LMTK2: variants seen among roughly 807,000 people sequenced by gnomAD.
LMTK2 encodes the protein lemur tail kinase 2.
In LMTK2, 37 loss-of-function variants were observed where a neutral mutation model predicts 127.5. That is an observed-to-expected ratio of 0.29 (90% CI 0.22 to 0.38). The LOEUF is 0.38. LMTK2 is among the 10% of genes least tolerant of loss of function. The pLI, the probability that LMTK2 is intolerant of heterozygous loss-of-function variation, is 1.00. For synonymous variants in LMTK2, 819 were observed against 810.1 expected (o/e 1.01, Z -0.19); for missense variants, 1,694 against 1,920.3 (o/e 0.88, Z 2.20).
At chr7:98,182,377 C>T (rs552325374) in intron 7 of LMTK2, among the ~76,000 whole-genome samples, 35 of 152,268 alleles carry the variant, frequency 2.3e-4, no homozygotes, top group African/African-American at 7.5e-4. Flanking sequence ...ATGGAGAATT[C>T]GTGCAACTCA....
At position 98,115,482 on chromosome 7, in the gene LMTK2, G is replaced by A. The variant is rs528359208; in HGVS notation, c.103+8202G>A. Among the ~76,000 whole-genome samples, 9 of 151,932 alleles carry A rather than the reference G, an allele frequency of 5.9e-5. No individual in the cohort carries two copies. In the East Asian group the frequency reaches 1.7e-3, roughly 30 times the overall value. ...AGAAGGAAGGGAGGGCGGGAGAGAGGAGAGAGAAATTACTGCTGGCTGAAA... is the reference window on the plus strand; with the variant it reads ...AGAAGGAAGGGAGGGCGGGAGAGAGAAGAGAGAAATTACTGCTGGCTGAAA... On this transcript the variant is annotated intron_variant, in intron 1 of 13. Transcript: ENST00000297293.
At chr7:98,200,286 A>T (rs1308644241) in intron 11 of LMTK2, among the ~76,000 whole-genome samples, 1 of 152,150 alleles carries the variant, frequency 6.6e-6, no homozygotes, top group Non-Finnish European at 1.5e-5. Flanking sequence ...ATGTACACTG[A>T]TAACTCCTCA....
chr7:98,108,303 TTGTAAC>T (rs888043584), intron 1 of LMTK2, among the ~76,000 whole-genome samples: 9 of 152,194 alleles, frequency 5.9e-5, no homozygotes, highest in Non-Finnish European at 1.3e-4. Flanking sequence ...TTTTTAAGTC[TTGTAAC>T]TGTTTTGGAA....
intron 7 of LMTK2, among the ~76,000 whole-genome samples, chr7:98,182,378 G>T (rs149761407): frequency 6.6e-6 from 1 of 152,144 alleles, no homozygotes; most frequent in Non-Finnish European, 1.5e-5. Flanking sequence ...TGGAGAATTC[G>T]TGCAACTCAA....
At chr7:98,185,185 A>C in intron 8 of LMTK2, 50 bp downstream of exon 8, 1 of 1,303,832 alleles carries the variant, frequency 7.7e-7, no homozygotes, top group Non-Finnish European at 1.1e-6. Context: ...TGAATTGTGA[A>C]GTTGTAATGT....
rs753669024 is a variant in LMTK2 at position 98,191,936 on chromosome 7, C to T, written c.1471C>T (p.Arg491Trp). Residue 491 changes from arginine (R) to tryptophan (W), a missense_variant, in exon 11 of 14, where the codon CGG becomes TGG. By Grantham distance (101) the Arg-to-Trp change is moderately radical. Around this residue, in one of 8 missense-constraint regions of LMTK2, gnomAD observed 216 missense variants for 266.8 expected, o/e 0.81. Transcript: ENST00000297293. The part of the protein sequence containing the change: ...AKHDHFDERS[R>W]GHLDEGLSYT... ...GCACGACCACTTTGACGAGCGCAGC[C>T]GGGGCCACCTGGACGAAGGCTTGTC... 12 of 1,613,886 alleles carry T rather than the reference C, an allele frequency of 7.4e-6. No individual in the cohort carries two copies. Among genetic ancestry groups the T allele is most frequent in the Admixed American group, 1.7e-5 (1 of 60,012 alleles).
chr7:98,198,377 G>A (rs995820850), intron 11 of LMTK2, among the ~76,000 whole-genome samples: 2 of 152,022 alleles, frequency 1.3e-5, no homozygotes, highest in Admixed American at 6.6e-5. Flanking sequence ...TTTTAGTAGA[G>A]ACGAGGTTTC....
chr7:98,110,803 C>G, intron 1 of LMTK2, among the ~76,000 whole-genome samples: 1 of 152,178 alleles, frequency 6.6e-6, no homozygotes, highest in East Asian at 1.9e-4. Flanking sequence ...TTTAGCAGCT[C>G]CAGATAAAGG....
At chr7:98,163,724 T>A (rs887150212) in intron 6 of LMTK2, among the ~76,000 whole-genome samples, 3 of 152,200 alleles carry the variant, frequency 2.0e-5, no homozygotes, top group Non-Finnish European at 4.4e-5. Flanking sequence ...AAAGTGTCTC[T>A]TTGACACTGA....
rs1233871705 is a variant in LMTK2, at chr7:98,207,235, G to A, written c.*1743G>A. 6.6e-6 allele frequency: 1 copy of A among 152,206 alleles called. No homozygotes were observed. Among genetic ancestry groups the A allele is most frequent in the Non-Finnish European group, 1.5e-5 (1 of 68,088 alleles). The allele number at this position is 152,206 out of a possible 1,614,324, so 9.4% of individuals were successfully genotyped here. ...TGTTTCCAGACTCCAGCGCAACCTG[G>A]GGTGCTCTCCAGACCCGTGCAGGGG... is the stretch of plus-strand genomic sequence containing the variant. On this transcript the variant is annotated 3_prime_UTR_variant, in exon 14 of 14. Coordinates refer to ENST00000297293, the MANE Select transcript of LMTK2 (RefSeq NM_014916.4).
At position 98,166,950 on chromosome 7, in the gene LMTK2, CT is replaced by C. The variant is rs765094525; in HGVS notation, c.658-4588del. Among the ~76,000 whole-genome samples, 4 of 152,186 alleles carry C rather than the reference CT, an allele frequency of 2.6e-5. No homozygotes were observed. In the East Asian group the frequency reaches 7.7e-4, roughly 29 times the overall value. The stretch of plus-strand genomic sequence containing the variant: ...GTAACATTTACTATACAAAGATAAA[CT>C]TTCAAAGAGAATCAGATTTTACTTA... On this transcript the variant is annotated intron_variant, in intron 6 of 13. Transcript: ENST00000297293.
At chr7:98,199,511 T>C (rs1185677229) in intron 11 of LMTK2, among the ~76,000 whole-genome samples, 1 of 149,046 alleles carries the variant, frequency 6.7e-6, no homozygotes, top group Non-Finnish European at 1.5e-5. Context: ...TCTTTCTTTT[T>C]TCGGAGACAG....
chr7:98,196,201 A>AAG (rs1262046317), intron 11 of LMTK2, among the ~76,000 whole-genome samples: 1 of 151,910 alleles, frequency 6.6e-6, no homozygotes, highest in African/African-American at 2.4e-5. Context: ...AAAAAAAAAA[A>AAG]AAAAGCAGCC....
Position 98,193,422 on chromosome 7 carries a change from C to A in LMTK2, c.2957C>A (p.Pro986His), listed in dbSNP as rs1446214342. The A allele has an allele frequency of 6.2e-7, 1 of 1,614,174 alleles. No individual in the cohort carries two copies. ...DSLLEDSLSA[P>H]FPASEPSLET... ...CTCCTGGAGGACAGCTTGTCAGCACCCTTCCCAGCCTCTGAGCCGTCCCTG... is the reference window on the plus strand; with the variant it reads ...CTCCTGGAGGACAGCTTGTCAGCACACTTCCCAGCCTCTGAGCCGTCCCTG... The change falls in exon 11 of 14, where the codon CCC (proline) becomes CAC (histidine). Residue 986 changes from proline to histidine, a missense_variant. Coordinates refer to ENST00000297293, the MANE Select transcript of LMTK2 (RefSeq NM_014916.4). This position sits in a 1 kb window ranked among gnomAD's most constrained non-coding sequence, Gnocchi z 4.1.
chr7:98,137,484 A>G (rs1796612099), intron 2 of LMTK2, 42 bp downstream of exon 2: 2 of 1,579,102 alleles, frequency 1.3e-6, no homozygotes, highest in Non-Finnish European at 1.7e-6. Flanking sequence ...GTCTTCCAAT[A>G]TGTTTTTCAA....
At chr7:98,119,713 T>C (rs1332115289) in intron 1 of LMTK2, among the ~76,000 whole-genome samples, 1 of 152,142 alleles carries the variant, frequency 6.6e-6, no homozygotes, top group Non-Finnish European at 1.5e-5. Context: ...GGGTGGCAGG[T>C]GACTCGTAGG....
chr7:98,163,487 A>G (rs1181745390), intron 6 of LMTK2, among the ~76,000 whole-genome samples: 2 of 152,156 alleles, frequency 1.3e-5, no homozygotes, highest in East Asian at 1.9e-4. Flanking sequence ...GGGAGGTCAC[A>G]TTGTTTCCTT....
chr7:98,197,819 A>G (rs4729411), intron 11 of LMTK2, among the ~76,000 whole-genome samples: 150,775 of 152,342 alleles, frequency 0.99, 74,630 homozygotes, highest in Middle Eastern at 1. Context: ...TGCAGCCGGG[A>G]TGGCAGAGTG....
chr7:98,140,473 T>TCATCTTTAGAAAGC lies in LMTK2; in HGVS notation c.232-921_232-908dup, dbSNP rs565592963. ...GCCTGCATCCTCAGTTGTAAAGTTG[T>TCATCTTTAGAAAGC]CATCTTTAGAAAGCCAGACGTGCTT... is the stretch of plus-strand genomic sequence containing the variant. On this transcript the variant is annotated intron_variant, in intron 2 of 13. Coordinates refer to ENST00000297293, the MANE Select transcript of LMTK2 (RefSeq NM_014916.4). 1.4e-4 allele frequency among the ~76,000 whole-genome samples: 22 copies of TCATCTTTAGAAAGC among 152,214 alleles called. No homozygotes were observed. In the East Asian group the frequency reaches 3.3e-3, roughly 23 times the overall value.
Sources: allele counts gnomAD v4.1 joint callset (sites outside exome capture counted in the v4.1 genomes callset), GRCh38; gene constraint gnomAD v4.1.1; regional missense constraint gnomAD v4.1.1; non-coding constraint Gnocchi (gnomAD v3.1); transcripts MANE v1.5; gene names NCBI Gene and HGNC (gene_info 2026-07-23, HGNC 2026-07-21).